Variants in PLXNA2 observed in about 807,000 individuals in gnomAD.
PLXNA2 encodes the protein plexin-A2.
Under a neutral mutation model 193.5 loss-of-function variants are expected in PLXNA2, and 91 were observed. The observed-to-expected ratio is 0.47, with a 90% CI of 0.40 to 0.56. PLXNA2 has a LOEUF of 0.56. PLXNA2 is among the 20% of genes least tolerant of loss of function. PLXNA2 has a pLI of 0.00. For synonymous variants in PLXNA2, 997 were observed against 1,027.3 expected, an observed-to-expected ratio of 0.97 and a Z score of 0.56; for missense variants, 1,995 against 2,503.2, an observed-to-expected ratio of 0.80 and a Z score of 4.33.
rs146063345 is a variant in PLXNA2 at position 208,036,584 on chromosome 1, G to A, written c.4764+1787C>T. 2.3e-3 allele frequency among the ~76,000 whole-genome samples: 346 copies of A among 152,312 alleles called. 3 individuals are homozygous for A. Among genetic ancestry groups the A allele is most frequent in the African/African-American group, 8.1e-3 (335 of 41,576 alleles). On this transcript the variant is annotated intron_variant, in intron 26 of 31. Transcript: ENST00000367033. ...CTGCGAGCAGTGCCTGGGATCCAGTGAGCACGCAGTAAGTGTTGGTATTAG... is the reference window on the plus strand; with the variant it reads ...CTGCGAGCAGTGCCTGGGATCCAGTAAGCACGCAGTAAGTGTTGGTATTAG...
At position 208,152,855 on chromosome 1, in the gene PLXNA2, C is replaced by G. The variant is rs1186837901; in HGVS notation, c.1372-10392G>C. Among the ~76,000 whole-genome samples, 174 of 152,178 alleles carry G rather than the reference C, an allele frequency of 1.1e-3. 1 individual carries two copies. Among genetic ancestry groups the G allele is most frequent in the African/African-American group, 4.1e-3 (169 of 41,530 alleles). Reference sequence around the variant, plus strand: ...TTTTCGTCTTCACGCCTTTGCTTGACAATTTATTCTACCTCCTAGATCCTA... The same window carrying G: ...TTTTCGTCTTCACGCCTTTGCTTGAGAATTTATTCTACCTCCTAGATCCTA... On this transcript the variant is annotated intron_variant, in intron 3 of 31. Coordinates refer to ENST00000367033, the MANE Select transcript of PLXNA2 (RefSeq NM_025179.4).
chr1:208,111,936 C>T (rs1250712783), intron 4 of PLXNA2, among the ~76,000 whole-genome samples: 4 of 152,186 alleles, frequency 2.6e-5, no homozygotes, highest in Admixed American at 1.3e-4. Context: ...TAAAGCAATG[C>T]ACAACCTTCT....
intron 3 of PLXNA2, among the ~76,000 whole-genome samples, chr1:208,177,510 T>G (rs940199819): frequency 6.6e-5 from 10 of 152,250 alleles, no homozygotes; most frequent in African/African-American, 2.2e-4. Context: ...CACTTAGCAC[T>G]AAATGAGTGT....
intron 4 of PLXNA2, among the ~76,000 whole-genome samples, chr1:208,122,599 C>T (rs1320088127): frequency 6.6e-6 from 1 of 152,104 alleles, no homozygotes; most frequent in Non-Finnish European, 1.5e-5. Context: ...ATGCCCCTTT[C>T]AGCTTCCTAG....
At chr1:208,237,560 A>G (rs951436039) in intron 1 of PLXNA2, among the ~76,000 whole-genome samples, 1 of 152,214 alleles carries the variant, frequency 6.6e-6, no homozygotes, top group African/African-American at 2.4e-5. Context: ...AAATCCTCAG[A>G]GAAGAACGAG....
intron 3 of PLXNA2, among the ~76,000 whole-genome samples, chr1:208,169,650 G>A (rs1278287177): frequency 6.6e-6 from 1 of 152,188 alleles, no homozygotes; most frequent in East Asian, 1.9e-4. Flanking sequence ...TTCTGGAGTG[G>A]AAGAAAGATT....
intron 12 of PLXNA2, among the ~76,000 whole-genome samples, chr1:208,074,334 G>A (rs1426193561): frequency 6.6e-6 from 1 of 152,138 alleles, no homozygotes; most frequent in African/African-American, 2.4e-5. Context: ...CACGTCTCCT[G>A]TTCCTAGGGT....
chr1:208,181,534 C>G (rs1422477481), intron 3 of PLXNA2, among the ~76,000 whole-genome samples: 1 of 152,240 alleles, frequency 6.6e-6, no homozygotes. Context: ...CCACCTCATA[C>G]TTTCTCTGCT....
intron 9 of PLXNA2, among the ~76,000 whole-genome samples, chr1:208,084,981 T>C (rs1010756291): frequency 5.9e-5 from 9 of 152,120 alleles, no homozygotes; most frequent in African/African-American, 2.2e-4. Flanking sequence ...TGCCGATGCC[T>C]GGGGCATCCG....
intron 3 of PLXNA2, among the ~76,000 whole-genome samples, chr1:208,205,166 T>C (rs1217980559): frequency 1.3e-5 from 2 of 152,204 alleles, no homozygotes; most frequent in Admixed American, 6.5e-5. Flanking sequence ...TTTTGCCCCA[T>C]GGCATGAGCT....
At chr1:208,203,868 T>C (rs1047246956) in intron 3 of PLXNA2, among the ~76,000 whole-genome samples, 7 of 152,210 alleles carry the variant, frequency 4.6e-5, no homozygotes, top group African/African-American at 1.4e-4. Context: ...GTCAGTGTTA[T>C]CAAATAACTG....
intron 4 of PLXNA2, among the ~76,000 whole-genome samples, chr1:208,107,854 A>G (rs183869201): frequency 3.8e-4 from 58 of 152,112 alleles, no homozygotes; most frequent in African/African-American, 2.7e-4. Context: ...CCTGCCCCCT[A>G]TGGCCTTCTC....
At chr1:208,199,403 G>A (rs960097179) in intron 3 of PLXNA2, among the ~76,000 whole-genome samples, 4 of 152,210 alleles carry the variant, frequency 2.6e-5, no homozygotes, top group Non-Finnish European at 5.9e-5. Flanking sequence ...CAGAAAGAAT[G>A]TTCTTTAGGC....
chr1:208,038,425 G>A lies in PLXNA2; in HGVS notation c.4710C>T (p.Ile1570=), dbSNP rs1250515194. 5.6e-6 allele frequency: 9 copies of A among 1,614,140 alleles called. No homozygotes were observed. Among genetic ancestry groups the A allele is most frequent in the Middle Eastern group, 1.7e-4 (1 of 6,060 alleles). The stretch of plus-strand genomic sequence containing the variant: ...TCCAGTCACCCTCAATCTTGGTGGT[G>A]ATGTCCTCATCTTGCAGCACGACCC... ...IARVVLQDED[I]TTKIEGDWKR... is the part of the protein sequence containing the mutation. Residue 1570 remains isoleucine, a synonymous_variant, in exon 26 of 32, where the codon ATC becomes ATT. Transcript: ENST00000367033. This position sits in a 1 kb window ranked among gnomAD's most constrained non-coding sequence, Gnocchi z 4.1.
chr1:208,241,621 C>A (rs1234033455), intron 1 of PLXNA2, among the ~76,000 whole-genome samples: 1 of 152,214 alleles, frequency 6.6e-6, no homozygotes, highest in Admixed American at 6.5e-5. Flanking sequence ...TCAGCATCTT[C>A]CCTGCACATC....
intron 3 of PLXNA2, among the ~76,000 whole-genome samples, chr1:208,174,148 T>C (rs905926353): frequency 2.6e-5 from 4 of 152,312 alleles, no homozygotes; most frequent in African/African-American, 7.2e-5. Flanking sequence ...TTTTTGCAAA[T>C]GTGTCTAGGC....
At chr1:208,039,888 C>G in intron 23 of PLXNA2, 104 bp downstream of exon 23, 1 of 1,581,190 alleles carries the variant, frequency 6.3e-7, no homozygotes, top group Non-Finnish European at 8.7e-7. Context: ...AGTCCAGGTT[C>G]CTGCTCCCGA....
At chr1:208,151,850 G>A (rs1343675859) in intron 3 of PLXNA2, among the ~76,000 whole-genome samples, 1 of 152,170 alleles carries the variant, frequency 6.6e-6, no homozygotes, top group Non-Finnish European at 1.5e-5. Context: ...CCTCCCTCCA[G>A]AGCCTACGCT....
intron 3 of PLXNA2, among the ~76,000 whole-genome samples, chr1:208,147,559 T>C (rs1421860671): frequency 2.6e-5 from 4 of 152,240 alleles, no homozygotes; most frequent in African/African-American, 9.6e-5. Context: ...CTACGTGCTG[T>C]CACAGTACTT....
Sources: allele counts gnomAD v4.1 joint callset (sites outside exome capture counted in the v4.1 genomes callset), GRCh38; gene constraint gnomAD v4.1.1; non-coding constraint Gnocchi (gnomAD v3.1); transcripts MANE v1.5; gene names NCBI Gene and HGNC (gene_info 2026-07-23, HGNC 2026-07-21).